LARGE1: variants seen among roughly 807,000 people sequenced by gnomAD.
LARGE1 encodes xylosyl- and glucuronyltransferase LARGE1.
Under a neutral mutation model 87.6 loss-of-function variants are expected in LARGE1, and 43 were observed. The observed-to-expected ratio is 0.49, with a 90% CI of 0.38 to 0.63. The LOEUF (loss-of-function observed/expected upper bound fraction) is 0.63, where lower values mean the gene tolerates loss of function less well. Ranked by LOEUF, LARGE1 falls within the 30% of genes least tolerant of loss-of-function variation. The probability of loss-of-function intolerance (pLI) is 0.00; values close to 1 mark genes in which losing one functional copy is unlikely to be tolerated. For missense variants in LARGE1, 802 were observed against 1,000.2 expected (o/e 0.80, Z 2.67); for synonymous variants, 434 against 394.6 (o/e 1.10, Z -1.18).
At chr22:33,404,066 T>TGTTTA (rs2066012947) in intron 7 of LARGE1, among the ~76,000 whole-genome samples, 1 of 152,190 alleles carries the variant, frequency 6.6e-6, no homozygotes, top group African/African-American at 2.4e-5. Context: ...AGAAGAGGGA[T>TGTTTA]AAACAAGTAA....
chr22:33,160,706 C>G (rs1374981770), downstream of LARGE1, among the ~76,000 whole-genome samples: 1 of 152,174 alleles, frequency 6.6e-6, no homozygotes, highest in Non-Finnish European at 1.5e-5. Context: ...TGCGTGGAGG[C>G]AGTAATGTGC....
chr22:33,748,295 C>T (rs898611193), intron 2 of LARGE1, among the ~76,000 whole-genome samples: 1 of 151,898 alleles, frequency 6.6e-6, no homozygotes. Context: ...TCACGCCTGC[C>T]TAATTTTTTG....
intron 2 of LARGE1, among the ~76,000 whole-genome samples, chr22:33,678,235 G>T (rs766443246): frequency 6.6e-6 from 1 of 152,158 alleles, no homozygotes; most frequent in African/African-American, 2.4e-5. Flanking sequence ...CTTATTTTAC[G>T]TAAAGGGATA....
intron 1 of LARGE1, among the ~76,000 whole-genome samples, chr22:33,820,497 T>C (rs2086786790): frequency 6.6e-6 from 1 of 151,800 alleles, no homozygotes; most frequent in South Asian, 2.1e-4. Context: ...AATTTTTTAT[T>C]TTAAGTAGAG....
intron 9 of LARGE1, among the ~76,000 whole-genome samples, chr22:33,362,066 CCAGCACACTA>C (rs1019510589): frequency 6.7e-6 from 1 of 149,410 alleles, no homozygotes. Context: ...TTTCTGTAAA[CCAGCACACTA>C]CACACTCTGG....
chr22:33,874,863 T>C (rs1023013254), intron 1 of LARGE1, among the ~76,000 whole-genome samples: 12 of 152,356 alleles, frequency 7.9e-5, no homozygotes, highest in African/African-American at 2.2e-4. Flanking sequence ...ACATGTCAGA[T>C]GCTATTCCAA....
rs5998944 is a variant in LARGE1, at chr22:33,442,952, C to A, written c.788-10687G>T. Among the ~76,000 whole-genome samples, 7 of 152,210 alleles carry A rather than the reference C, an allele frequency of 4.6e-5. No individual in the cohort carries two copies. The South Asian group carries it at 1.5e-3, about 32-fold the overall frequency. Reference sequence around the variant, plus strand: ...GGACTACAGGCGCCCGCACCACATCCGGCTAATTTTTTGTATTTTTTAGTA... The same window carrying A: ...GGACTACAGGCGCCCGCACCACATCAGGCTAATTTTTTGTATTTTTTAGTA... On this transcript the variant is annotated intron_variant, in intron 6 of 14. Coordinates refer to ENST00000397394, the MANE Select transcript of LARGE1 (RefSeq NM_133642.5).
chr22:33,076,693 T>G, the LARGE1 span, among the ~76,000 whole-genome samples: 2 of 152,134 alleles, frequency 1.3e-5, no homozygotes, highest in African/African-American at 4.8e-5. Context: ...AGCCTACAGA[T>G]CTGTCCAATA....
At chr22:33,116,752 A>G in the LARGE1 span, among the ~76,000 whole-genome samples, 1 of 152,160 alleles carries the variant, frequency 6.6e-6, no homozygotes, top group Admixed American at 6.5e-5. Flanking sequence ...CATGATTTTT[A>G]GCACGCTGTG....
chr22:33,513,788 G>A (rs1740962127), intron 6 of LARGE1, among the ~76,000 whole-genome samples: 1 of 145,384 alleles, frequency 6.9e-6, no homozygotes, highest in Admixed American at 7.0e-5. Flanking sequence ...GATACAGAAA[G>A]CTCTAGAGAC....
chr22:33,410,073 C>A (rs528416475), intron 7 of LARGE1, among the ~76,000 whole-genome samples: 1 of 152,118 alleles, frequency 6.6e-6, no homozygotes, highest in Non-Finnish European at 1.5e-5. Context: ...ATAGGGATCA[C>A]CTGCTTGGTT....
chr22:33,842,017 G>T (rs1476328431), intron 1 of LARGE1, among the ~76,000 whole-genome samples: 1 of 152,146 alleles, frequency 6.6e-6, no homozygotes, highest in African/African-American at 2.4e-5. Flanking sequence ...CTGCCAACAG[G>T]ACTTCAAAGA....
At chr22:33,433,607 CAAAAAAAAAAAAA>C (rs57605083) in intron 6 of LARGE1, among the ~76,000 whole-genome samples, 7 of 88,260 alleles carry the variant, frequency 7.9e-5, no homozygotes, top group Admixed American at 7.0e-4. Context: ...AAAAACAAAA[CAAAAAAAAAAAAA>C]AAAAAAAAAA....
chr22:33,344,913 G>A (rs1198427333), intron 9 of LARGE1, among the ~76,000 whole-genome samples: 1 of 152,170 alleles, frequency 6.6e-6, no homozygotes. Context: ...GGAAAAGCTG[G>A]TGGTGTAGGC....
chr22:33,173,319 AC>A (rs984317559), intron 11 of LARGE1, among the ~76,000 whole-genome samples: 2 of 152,164 alleles, frequency 1.3e-5, no homozygotes, highest in Non-Finnish European at 2.9e-5. Flanking sequence ...GATTGTCACC[AC>A]CAAGCCTGCC....
intron 11 of LARGE1, among the ~76,000 whole-genome samples, chr22:33,217,147 A>T (rs1925245330): frequency 1.3e-5 from 2 of 152,124 alleles, no homozygotes. Context: ...TATTCATAGC[A>T]TCATACAAAA....
chr22:33,234,806 G>T (rs1308518134), intron 11 of LARGE1, among the ~76,000 whole-genome samples: 1 of 152,162 alleles, frequency 6.6e-6, no homozygotes, highest in Non-Finnish European at 1.5e-5. Context: ...CTCCCAAAGT[G>T]CTGGGATTAC....
chr22:33,576,102 C>A (rs571804192), intron 5 of LARGE1, among the ~76,000 whole-genome samples: 20 of 152,158 alleles, frequency 1.3e-4, no homozygotes, highest in Admixed American at 1.1e-3. Context: ...TGCTGCGTAG[C>A]CTGATCTTAA....
chr22:33,862,609 C>T (rs868159193), intron 1 of LARGE1, among the ~76,000 whole-genome samples: 5 of 152,256 alleles, frequency 3.3e-5, no homozygotes, highest in Middle Eastern at 6.8e-3. Flanking sequence ...GAGGGCCAGC[C>T]GGACACCTGG....
Sources: gnomAD v4.1 joint callset for allele counts (sites outside exome capture counted in the v4.1 genomes callset) on GRCh38, gnomAD v4.1.1 for gene constraint, MANE v1.5 for transcripts, NCBI Gene and HGNC (gene_info 2026-07-23, HGNC 2026-07-21) for gene names.